The following CETN3 variants were observed in gnomAD, a reference collection of about 807,000 sequenced individuals.
CETN3 encodes the protein centrin-3.
CETN3 carries 17 observed loss-of-function variants against 20.1 expected under a neutral mutation model. The ratio of observed to expected loss-of-function variants is 0.85; its 90% CI spans 0.58 to 1.27. The LOEUF (loss-of-function observed/expected upper bound fraction) is 1.27. Among genes scored for constraint, CETN3 ranks in the 50% most tolerant of loss-of-function variants. The pLI is 0.00. For synonymous variants in CETN3, 52 were observed against 59.7 expected (o/e 0.87, Z 0.59); for missense variants, 169 against 191.2 (o/e 0.88, Z 0.69).
chr5:90,399,918 T>C (rs1016376059), intron 3 of CETN3, among the ~76,000 whole-genome samples: 20 of 152,218 alleles, frequency 1.3e-4, no homozygotes, highest in Non-Finnish European at 2.2e-4. Context: ...GTCATCTACC[T>C]GTGGAGAGAC....
At chr5:90,408,800 C>CAAA (rs74585512) in intron 1 of CETN3, among the ~76,000 whole-genome samples, 4,583 of 96,108 alleles carry the variant, frequency 0.048, 337 homozygotes, top group African/African-American at 0.17. Context: ...CTGAAAGCTC[C>CAAA]AAAAAAAAAA....
At chr5:90,404,278 G>C (rs1749378391) in intron 3 of CETN3, among the ~76,000 whole-genome samples, 1 of 152,046 alleles carries the variant, frequency 6.6e-6, no homozygotes, top group African/African-American at 2.4e-5. Flanking sequence ...GCAAAACCAA[G>C]GTATGAACCA....
chr5:90,403,819 C>T (rs897275272), intron 3 of CETN3, among the ~76,000 whole-genome samples: 9 of 131,706 alleles, frequency 6.8e-5, no homozygotes, highest in African/African-American at 2.3e-4. Context: ...TGCAGTGAGC[C>T]GAGATCCCGC....
Position 90,404,879 on chromosome 5 carries a change from A to C in CETN3, c.268+806T>G, listed in dbSNP as rs531799238. Reference sequence around the variant, plus strand: ...CCCATTGGTTTAGAGAAAAAAAAAAAAAGAAATAAACCTGAATATTTACAT... The same window carrying C: ...CCCATTGGTTTAGAGAAAAAAAAAACAAGAAATAAACCTGAATATTTACAT... On this transcript the variant is annotated intron_variant, in intron 3 of 4. Transcript: ENST00000283122. 1.3e-4 allele frequency among the ~76,000 whole-genome samples: 20 copies of C among 152,182 alleles called. No individual in the cohort carries two copies. The East Asian group carries it at 3.9e-3, about 29-fold the overall frequency.
In CETN3 at chr5:90,405,760, C is replaced by T; in HGVS notation, c.193G>A (p.Asp65Asn). 1 of 1,612,316 alleles carries T rather than the reference C, an allele frequency of 6.2e-7. No homozygotes were observed. Among genetic ancestry groups the T allele is most frequent in the Non-Finnish European group, 8.5e-7 (1 of 1,179,324 alleles). ...TAATCTTTAAGAATCTTCAGTACAT[C>T]AGCTTTTTTTACATCAAACCCCAAG... The part of the protein sequence containing the change: ...RALGFDVKKA[D>N]VLKILKDYDR... The change falls in exon 3 of 5, where the codon GAT becomes AAT. Residue 65 changes from aspartate (D) to asparagine (N), a missense_variant. Transcript: ENST00000283122.
chr5:90,409,028 C>A (rs1207465545), intron 1 of CETN3, among the ~76,000 whole-genome samples: 1 of 151,904 alleles, frequency 6.6e-6, no homozygotes, highest in Non-Finnish European at 1.5e-5. Context: ...TTCGGAGTGT[C>A]GTAAGTGTAT....
intron 4 of CETN3, chr5:90,396,620 T>C (rs199842635): frequency 2.3e-6 from 3 of 1,292,898 alleles, no homozygotes; most frequent in Non-Finnish European, 3.2e-6. Context: ...TACAAATCAT[T>C]TTAACAGTGT....
At position 90,399,357 on chromosome 5, in the gene CETN3, C is replaced by T; in HGVS notation, c.460+1G>A. On this transcript the variant is annotated splice_donor_variant, in intron 4 of 4. Coordinates refer to ENST00000283122, the MANE Select transcript of CETN3 (RefSeq NM_004365.4). LOFTEE classifies it high-confidence loss of function. ...GAAAATACGTTTCACTTAAAACTTA[C>T]TTTCTCCATCACCATCTTTGTCAAA... 6.2e-7 allele frequency: 1 copy of T among 1,613,674 alleles called. No individual in the cohort carries two copies. Among genetic ancestry groups the T allele is most frequent in the Non-Finnish European group, 8.5e-7 (1 of 1,179,690 alleles).
intron 4 of CETN3, among the ~76,000 whole-genome samples, chr5:90,397,601 C>T (rs541468697): frequency 4.8e-4 from 73 of 152,210 alleles, no homozygotes; most frequent in Non-Finnish European, 8.5e-4. Context: ...GAGTATGTTG[C>T]TAATACACTG....
At position 90,394,112 on chromosome 5, in the gene CETN3, G is replaced by A. The variant is rs764022767; in HGVS notation, c.461-5C>T. ...CAATGAACTCCTCTTGGTTTACTGTGGTAAGAAAGAAAATGAAATAGTCAG... is the reference window on the plus strand; with the variant it reads ...CAATGAACTCCTCTTGGTTTACTGTAGTAAGAAAGAAAATGAAATAGTCAG... On this transcript the variant is annotated splice_polypyrimidine_tract_variant and splice_region_variant and intron_variant, in intron 4 of 4. Coordinates refer to ENST00000283122, the MANE Select transcript of CETN3 (RefSeq NM_004365.4). 6.6e-7 allele frequency: 1 copy of A among 1,526,498 alleles called. No homozygotes were observed. The highest frequency in any genetic ancestry group is 9.0e-7 in the Non-Finnish European group (1 of 1,116,530). The allele number at this position is 1,526,498 out of a possible 1,614,324, so 94.6% of individuals were successfully genotyped here.
intron 2 of CETN3, among the ~76,000 whole-genome samples, chr5:90,406,810 C>T (rs1296279317): frequency 1.9e-5 from 1 of 53,190 alleles, no homozygotes; most frequent in Admixed American, 2.7e-4. Flanking sequence ...ATGGAACAGA[C>T]ATTATAAAGG....
At chr5:90,399,040 T>C in intron 4 of CETN3, 1 of 476,446 alleles carries the variant, frequency 2.1e-6, no homozygotes, top group Non-Finnish European at 3.7e-6. Flanking sequence ...ATTCAAAACA[T>C]TTGAAGGGGA....
chr5:90,395,914 C>A (rs1399414082), intron 4 of CETN3: 1 of 922,128 alleles, frequency 1.1e-6, no homozygotes, highest in Non-Finnish European at 1.3e-6. Context: ...ACATAGAAAA[C>A]CGGTTTTGAT....
chr5:90,408,800 CAAA>C (rs74585512), intron 1 of CETN3, among the ~76,000 whole-genome samples: 2 of 96,256 alleles, frequency 2.1e-5, no homozygotes. Flanking sequence ...CTGAAAGCTC[CAAA>C]AAAAAAAAAA....
intron 4 of CETN3, among the ~76,000 whole-genome samples, chr5:90,395,095 T>C (rs1466943927): frequency 6.6e-6 from 1 of 152,178 alleles, no homozygotes; most frequent in Non-Finnish European, 1.5e-5. Flanking sequence ...GCTCTGCATC[T>C]CATTTCCTTC....
chr5:90,396,047 T>C (rs1164714479), intron 4 of CETN3: 1 of 914,060 alleles, frequency 1.1e-6, no homozygotes, highest in Admixed American at 6.2e-5. Context: ...TGGTAAAAAT[T>C]ATTACTAATA....
Position 90,405,775 on chromosome 5 carries a change from C to G in CETN3, c.178G>C (p.Asp60His), listed in dbSNP as rs1401239255. The change falls in exon 3 of 5, where the codon GAT (aspartate) becomes CAT (histidine). Residue 60 changes from aspartate to histidine, a missense_variant. Physicochemically the swap from Asp to His is moderately conservative, Grantham distance 81 (BLOSUM62 -1). Transcript: ENST00000283122. The part of the protein sequence containing the change: ...LKVAMRALGF[D>H]VKKADVLKIL... ...TTCAGTACATCAGCTTTTTTTACAT[C>G]AAACCCCAAGGCTCTCATTGCCACC... 2 of 1,611,506 alleles carry G rather than the reference C, an allele frequency of 1.2e-6. No individual in the cohort carries two copies. The highest frequency in any genetic ancestry group is 1.7e-6 in the Non-Finnish European group (2 of 1,178,914).
rs1322248574 is a variant in CETN3, at chr5:90,392,519, G to A, written c.*1545C>T. ...CAGTACTGGAGGTGAGGTCTGGTGG[G>A]AGGTGATTAGATGTCCTCACAATAG... On this transcript the variant is annotated 3_prime_UTR_variant, in exon 5 of 5. Coordinates refer to ENST00000283122, the MANE Select transcript of CETN3 (RefSeq NM_004365.4). The A allele has an allele frequency of 6.6e-6, 1 of 152,168 alleles. No homozygotes were observed. The highest frequency in any genetic ancestry group is 2.4e-5 in the African/African-American group (1 of 41,442). 9.4% of individuals were successfully genotyped at this position (152,168 alleles called of 1,614,324 possible). A position where few individuals can be genotyped will look rare whatever the true frequency, so the allele number is the denominator to read the frequency against.
chr5:90,399,098 T>C (rs1469541361), intron 4 of CETN3: 3 of 578,884 alleles, frequency 5.2e-6, no homozygotes, highest in Non-Finnish European at 9.2e-6. Context: ...GGAGAAGCCA[T>C]TAAAGACTGA....
Sources: allele counts gnomAD v4.1 joint callset (sites outside exome capture counted in the v4.1 genomes callset), GRCh38; gene constraint gnomAD v4.1.1; transcripts MANE v1.5; gene names NCBI Gene and HGNC (gene_info 2026-07-23, HGNC 2026-07-21).